The following GRAMD4 variants were observed in gnomAD, a reference collection of about 807,000 sequenced individuals.
The protein encoded by GRAMD4 is GRAM domain-containing protein 4.
A neutral mutation model predicts 83.9 loss-of-function variants in GRAMD4; 25 were observed. That is an observed-to-expected ratio of 0.30 (90% CI 0.22 to 0.42). GRAMD4 has a LOEUF of 0.42. GRAMD4 is among the 10% of genes least tolerant of loss of function. GRAMD4 has a pLI of 1.00. For synonymous variants in GRAMD4, 336 were observed against 320.9 expected (o/e 1.05, Z -0.50); for missense variants, 593 against 788.7 (o/e 0.75, Z 2.97).
At chr22:46,613,854 C>CTCG (rs138500) in intron 1 of GRAMD4, among the ~76,000 whole-genome samples, 132,392 of 151,936 alleles carry the variant, frequency 0.87, 57,796 homozygotes, top group East Asian at 1. Context: ...CTCAGGAACT[C>CTCG]TTTTGCATTT....
intron 1 of GRAMD4, among the ~76,000 whole-genome samples, chr22:46,590,961 G>A (rs148539618): frequency 6.6e-5 from 10 of 152,314 alleles, no homozygotes; most frequent in Non-Finnish European, 1.3e-4. Context: ...TCAGGAGGCT[G>A]TGGGATGAAA....
intron 1 of GRAMD4, among the ~76,000 whole-genome samples, chr22:46,610,950 C>T (rs1352087126): frequency 2.0e-5 from 3 of 152,116 alleles, no homozygotes; most frequent in African/African-American, 4.8e-5. Flanking sequence ...AGTGGTGGCT[C>T]ATGCCTGTAA....
chr22:46,668,685 A>G lies in GRAMD4; in HGVS notation c.931-4A>G. The G allele has an allele frequency of 6.2e-7, 1 of 1,611,822 alleles. No individual in the cohort carries two copies. Among genetic ancestry groups the G allele is most frequent in the Non-Finnish European group, 8.5e-7 (1 of 1,179,020 alleles). ...GTTGTAATTGCTGTTTCTCCTTCAC[A>G]CAGAACCTTTTCGGGAAGATGGCTG... is the stretch of plus-strand genomic sequence containing the variant. On this transcript the variant is annotated splice_polypyrimidine_tract_variant and splice_region_variant and intron_variant, in intron 11 of 18. Transcript: ENST00000406902.
Position 46,668,788 on chromosome 22 carries a change from T to G in GRAMD4, c.975-11T>G. 7.7e-7 allele frequency: 1 copy of G among 1,300,868 alleles called. No homozygotes were observed. Among genetic ancestry groups the G allele is most frequent in the Non-Finnish European group, 1.0e-6 (1 of 961,124 alleles). 80.6% of individuals were successfully genotyped at this position (1,300,868 alleles called of 1,614,324 possible). A position where few individuals can be genotyped will look rare whatever the true frequency, so the allele number is the denominator to read the frequency against. ...GCGCCCGCCCGGCCTGAGCCTCCCG[T>G]CTCCTTCCAGCTTGTTCATGTGGGT... On this transcript the variant is annotated splice_polypyrimidine_tract_variant and intron_variant, in intron 12 of 18. Coordinates refer to ENST00000406902, the MANE Select transcript of GRAMD4 (RefSeq NM_015124.5).
At chr22:46,658,397 C>T (rs992877704) in intron 4 of GRAMD4, 90 bp downstream of exon 4, 14 of 1,253,158 alleles carry the variant, frequency 1.1e-5, no homozygotes, top group African/African-American at 1.1e-4. Flanking sequence ...GCACCCATAG[C>T]GTCTTGGCAG....
At chr22:46,636,656 G>A (rs1302238449) in intron 2 of GRAMD4, among the ~76,000 whole-genome samples, 1 of 152,254 alleles carries the variant, frequency 6.6e-6, no homozygotes, top group African/African-American at 2.4e-5. Flanking sequence ...TCGGGTCGCT[G>A]CTGTCCTGTG....
chr22:46,666,301 G>A (rs986222318), intron 9 of GRAMD4, among the ~76,000 whole-genome samples: 1 of 152,166 alleles, frequency 6.6e-6, no homozygotes, highest in African/African-American at 2.4e-5. Flanking sequence ...CTTAGCCTGC[G>A]GTTACCCCTG....
chr22:46,602,442 C>A (rs2081320522), intron 1 of GRAMD4, among the ~76,000 whole-genome samples: 1 of 152,050 alleles, frequency 6.6e-6, no homozygotes, highest in Admixed American at 6.6e-5. Flanking sequence ...CTTTGCGAGA[C>A]CATGTTGTCC....
Position 46,649,941 on chromosome 22 carries a change from G to T in GRAMD4, c.284-8246G>T, listed in dbSNP as rs566199223. Among the ~76,000 whole-genome samples the T allele has an allele frequency of 5.9e-5, 9 of 152,254 alleles. No individual in the cohort carries two copies. The South Asian group carries it at 1.7e-3, about 28-fold the overall frequency. On this transcript the variant is annotated intron_variant, in intron 3 of 18. Transcript: ENST00000406902. ...GTAACTTGCAGCCTGGTGATTCGAT[G>T]GAGGGAGTGCCTGTCTTCTAGAAAG...
chr22:46,620,323 T>TGAGCCTGGGG, upstream of GRAMD4: 1 of 985,570 alleles, frequency 1.0e-6, no homozygotes, highest in Non-Finnish European at 1.2e-6. This position sits in a 1 kb window ranked among gnomAD's most constrained non-coding sequence, Gnocchi z 4.7. Flanking sequence ...GGCGCCGCCC[T>TGAGCCTGGGG]GAGCCTGGGG....
intron 3 of GRAMD4, among the ~76,000 whole-genome samples, chr22:46,656,240 C>A (rs1173538336): frequency 6.6e-6 from 1 of 152,204 alleles, no homozygotes. Flanking sequence ...TTGGTAAATT[C>A]GAATATTTTC....
Position 46,653,093 on chromosome 22 carries a change from C to T in GRAMD4, c.284-5094C>T, listed in dbSNP as rs975769807. 5.9e-5 allele frequency among the ~76,000 whole-genome samples: 9 copies of T among 152,300 alleles called. No individual in the cohort carries two copies. In the East Asian group the frequency reaches 9.6e-4, roughly 16 times the overall value. ...AGCGGTCAGACGCTCCAGCTGGTTT[C>T]GTTTACTTAGCTGTCTTTGTACCAT... On this transcript the variant is annotated intron_variant, in intron 3 of 18. Transcript: ENST00000406902.
intron 3 of GRAMD4, among the ~76,000 whole-genome samples, chr22:46,656,269 G>A (rs560441088): frequency 1.3e-5 from 2 of 152,366 alleles, no homozygotes; most frequent in South Asian, 2.1e-4. Context: ...TAGTAACAGC[G>A]AGTAACAGCA....
chr22:46,640,109 G>T (rs900552601), intron 3 of GRAMD4, among the ~76,000 whole-genome samples: 2 of 152,240 alleles, frequency 1.3e-5, no homozygotes. Context: ...GGCCTGGAGA[G>T]CATAGCTCAG....
intron 1 of GRAMD4, among the ~76,000 whole-genome samples, chr22:46,583,051 A>T (rs756899748): frequency 2.0e-5 from 3 of 152,064 alleles, no homozygotes; most frequent in Non-Finnish European, 2.9e-5. Flanking sequence ...CAGCCTCCCA[A>T]GTAGCTGGGG....
chr22:46,583,505 C>G (rs1079836), intron 1 of GRAMD4, among the ~76,000 whole-genome samples: 26,941 of 152,176 alleles, frequency 0.18, 3,270 homozygotes, highest in African/African-American at 0.35. Flanking sequence ...TCTCTAAGCT[C>G]CTCTTTGCTA....
At chr22:46,615,580 TGC>T (rs1476383713), upstream of GRAMD4, among the ~76,000 whole-genome samples, 40 of 123,890 alleles carry the variant, frequency 3.2e-4, no homozygotes, top group East Asian at 1.0e-3. Context: ...GGTTCCCCTG[TGC>T]GTGTAGGTTC....
rs529417658 is a variant in GRAMD4 at position 46,673,000 on chromosome 22, G to A, written c.1239+3G>A. The A allele has an allele frequency of 1.6e-5, 25 of 1,587,190 alleles. No homozygotes were observed. The African/African-American group carries it at 2.7e-4, about 17-fold the overall frequency. On this transcript the variant is annotated splice_donor_region_variant and intron_variant, in intron 14 of 18. Coordinates refer to ENST00000406902, the MANE Select transcript of GRAMD4 (RefSeq NM_015124.5). The surrounding 1 kb of genome is among the most constrained non-coding windows in gnomAD (Gnocchi z 4.7). The stretch of plus-strand genomic sequence containing the variant: ...CCAGCGCCGCAGTCTCACGCAGGGT[G>A]AGCCCGGCCCCCAGCTGCGGGGATG...
intron 3 of GRAMD4, among the ~76,000 whole-genome samples, chr22:46,646,768 C>A (rs1008872097): frequency 1.1e-4 from 16 of 152,154 alleles, no homozygotes; most frequent in African/African-American, 3.9e-4. Context: ...TGTGTTTTCA[C>A]GCTGCTGATA....
Sources: allele counts gnomAD v4.1 joint callset (sites outside exome capture counted in the v4.1 genomes callset), GRCh38; gene constraint gnomAD v4.1.1; non-coding constraint Gnocchi (gnomAD v3.1); transcripts MANE v1.5; gene names NCBI Gene and HGNC (gene_info 2026-07-23, HGNC 2026-07-21).